The following TMEM132C variants were observed in gnomAD, a reference collection of about 807,000 sequenced individuals.
TMEM132C encodes transmembrane protein 132C.
Under a neutral mutation model 61.4 loss-of-function variants are expected in TMEM132C, and 29 were observed. That is an observed-to-expected ratio of 0.47 (90% CI 0.35 to 0.64). TMEM132C has a LOEUF of 0.64. Among genes scored for constraint, TMEM132C ranks in the 30% least tolerant of loss-of-function variants. The probability of loss-of-function intolerance (pLI) is 0.00; values close to 1 mark genes in which losing one functional copy is unlikely to be tolerated. For missense variants in TMEM132C, 1,408 were observed against 1,476.9 expected (o/e 0.95, Z 0.76); for synonymous variants, 656 against 633.1 (o/e 1.04, Z -0.54).
rs181474190 is a variant in TMEM132C, at chr12:128,570,820, A to G, written c.1121+26717A>G. Among the ~76,000 whole-genome samples, 10 of 152,336 alleles carry G rather than the reference A, an allele frequency of 6.6e-5. No homozygotes were observed. Among genetic ancestry groups the G allele is most frequent in the African/African-American group, 1.9e-4 (8 of 41,578 alleles). The stretch of plus-strand genomic sequence containing the variant: ...TTTGCCTCTTTGGATAAGAAAAACA[A>G]TAGCTTCCTTGCAAGTTCAGCCAGT... On this transcript the variant is annotated intron_variant, in intron 3 of 8. Transcript: ENST00000435159. This position sits in a 1 kb window ranked among gnomAD's most constrained non-coding sequence, Gnocchi z 4.7.
intron 8 of TMEM132C, among the ~76,000 whole-genome samples, chr12:128,700,111 G>GGGGTAT (rs1035780122): frequency 1.3e-5 from 2 of 152,194 alleles, no homozygotes; most frequent in African/African-American, 4.8e-5. Flanking sequence ...CCCTTGGCAT[G>GGGGTAT]GGGTATGGCC....
rs938262859 is a variant in TMEM132C, at chr12:128,543,944, T to A, written c.975-13T>A. On this transcript the variant is annotated splice_polypyrimidine_tract_variant and intron_variant, in intron 2 of 8. Coordinates refer to ENST00000435159, the MANE Select transcript of TMEM132C (RefSeq NM_001136103.3). ...ACCCTGTCTCTCTCTCTCTCCCATC[T>A]TCATCCCCACAGAGCCAAGGTGAAG... 2 of 1,542,898 alleles carry A rather than the reference T, an allele frequency of 1.3e-6. No homozygotes were observed. Among genetic ancestry groups the A allele is most frequent in the African/African-American group, 2.8e-5 (2 of 72,612 alleles).
intron 5 of TMEM132C, among the ~76,000 whole-genome samples, chr12:128,692,038 AGCTG>A (rs1370399810): frequency 2.0e-5 from 3 of 148,476 alleles, no homozygotes; most frequent in African/African-American, 7.8e-5. Flanking sequence ...CTATCTATCC[AGCTG>A]TCTACCCATT....
At chr12:128,615,803 A>G (rs1218579237) in intron 3 of TMEM132C, among the ~76,000 whole-genome samples, 1 of 152,234 alleles carries the variant, frequency 6.6e-6, no homozygotes, top group Non-Finnish European at 1.5e-5. Flanking sequence ...CCACACCTAC[A>G]GAACTGAACA....
At chr12:128,363,036 G>C (rs896809040) in intron 1 of TMEM132C, among the ~76,000 whole-genome samples, 1 of 151,796 alleles carries the variant, frequency 6.6e-6, no homozygotes, top group African/African-American at 2.4e-5. Context: ...CCTTTGCCAG[G>C]AAAAAGAAAA....
At chr12:128,624,716 T>C (rs1367365429) in intron 4 of TMEM132C, among the ~76,000 whole-genome samples, 2 of 152,156 alleles carry the variant, frequency 1.3e-5, no homozygotes, top group Non-Finnish European at 2.9e-5. Context: ...TATTTATTAA[T>C]AAGAATAAAA....
chr12:128,567,704 G>A (rs373616295), intron 3 of TMEM132C, among the ~76,000 whole-genome samples: 2 of 152,030 alleles, frequency 1.3e-5, no homozygotes, highest in African/African-American at 4.8e-5. Context: ...CATGCTTCAC[G>A]TGGCAGGATG....
Position 128,427,600 on chromosome 12 carries a change from T to C in TMEM132C, c.974+11980T>C, listed in dbSNP as rs143223756. 5.1e-3 allele frequency among the ~76,000 whole-genome samples: 771 copies of C among 152,076 alleles called. 11 individuals are homozygous for C. Among genetic ancestry groups the C allele is most frequent in the African/African-American group, 0.017 (721 of 41,496 alleles). On this transcript the variant is annotated intron_variant, in intron 2 of 8. Coordinates refer to ENST00000435159, the MANE Select transcript of TMEM132C (RefSeq NM_001136103.3). ...TCCTCCAGACTCCCCTTCCCCACTT[T>C]CCTCCAGGGTGAGATCCAAGCTCTC... is the stretch of plus-strand genomic sequence containing the variant.
At chr12:128,392,767 C>G (rs1162459334) in intron 1 of TMEM132C, among the ~76,000 whole-genome samples, 3 of 148,326 alleles carry the variant, frequency 2.0e-5, no homozygotes, top group African/African-American at 7.5e-5. Flanking sequence ...TACACTAACA[C>G]TAATGATAGC....
intron 2 of TMEM132C, among the ~76,000 whole-genome samples, chr12:128,450,178 G>A (rs1475444771): frequency 2.0e-5 from 3 of 152,096 alleles, no homozygotes; most frequent in South Asian, 2.1e-4. Context: ...CATTTGACAT[G>A]GCTCATTTGA....
At chr12:128,361,998 C>G (rs961717950) in intron 1 of TMEM132C, among the ~76,000 whole-genome samples, 5 of 152,050 alleles carry the variant, frequency 3.3e-5, no homozygotes, top group Admixed American at 2.6e-4. Context: ...CAGGAACAAG[C>G]AGGTTGGGGG....
At chr12:128,343,816 C>G (rs1478930339) in intron 1 of TMEM132C, among the ~76,000 whole-genome samples, 3 of 152,094 alleles carry the variant, frequency 2.0e-5, no homozygotes, top group Non-Finnish European at 4.4e-5. Context: ...TATGGATTTG[C>G]CTATTTGGGA....
intron 2 of TMEM132C, among the ~76,000 whole-genome samples, chr12:128,531,070 A>C (rs1353119944): frequency 1.3e-5 from 2 of 151,580 alleles, no homozygotes; most frequent in African/African-American, 4.9e-5. Context: ...TCTTGGGAGC[A>C]AACTTACAGA....
intron 4 of TMEM132C, among the ~76,000 whole-genome samples, chr12:128,637,013 G>A (rs556695156): frequency 6.6e-6 from 1 of 152,206 alleles, no homozygotes; most frequent in East Asian, 1.9e-4. Flanking sequence ...TCTGTCCATG[G>A]ACACTTAGAC....
chr12:128,473,728 G>T (rs79533010), intron 2 of TMEM132C, among the ~76,000 whole-genome samples: 2 of 75,336 alleles, frequency 2.7e-5, no homozygotes, highest in African/African-American at 1.0e-4. Context: ...CTCCGTTTTC[G>T]TCTTCACTTC....
intron 1 of TMEM132C, among the ~76,000 whole-genome samples, chr12:128,338,694 T>G (rs999488197): frequency 2.0e-5 from 3 of 151,374 alleles, no homozygotes; most frequent in Non-Finnish European, 4.4e-5. Context: ...ACTATACAGC[T>G]GTCTGATCAG....
At chr12:128,595,011 C>T (rs959441104) in intron 3 of TMEM132C, among the ~76,000 whole-genome samples, 12 of 152,192 alleles carry the variant, frequency 7.9e-5, no homozygotes, top group African/African-American at 2.7e-4. Context: ...CCCTCACATC[C>T]GAGGAGGGTG....
chr12:128,703,237 C>T (rs889107365), intron 8 of TMEM132C, among the ~76,000 whole-genome samples: 2 of 152,112 alleles, frequency 1.3e-5, no homozygotes, highest in South Asian at 4.1e-4. Context: ...CAGATTATTT[C>T]ATGACCCAGG....
intron 2 of TMEM132C, among the ~76,000 whole-genome samples, chr12:128,523,044 G>A (rs1872959475): frequency 6.6e-6 from 1 of 152,110 alleles, no homozygotes; most frequent in African/African-American, 2.4e-5. Flanking sequence ...GCGGAATGGG[G>A]TATAGATATA....
Sources: gnomAD v4.1 joint callset for allele counts (sites outside exome capture counted in the v4.1 genomes callset) on GRCh38, gnomAD v4.1.1 for gene constraint, Gnocchi (gnomAD v3.1) non-coding constraint, MANE v1.5 for transcripts, NCBI Gene and HGNC (gene_info 2026-07-23, HGNC 2026-07-21) for gene names.